The following CAMK2G variants were observed in gnomAD, a reference collection of about 807,000 sequenced individuals.
CAMK2G encodes the protein calcium/calmodulin-dependent protein kinase type II subunit gamma.
A neutral mutation model predicts 88.7 loss-of-function variants in CAMK2G; 23 were observed. The ratio of observed to expected loss-of-function variants is 0.26; its 90% CI spans 0.19 to 0.37. CAMK2G has a LOEUF of 0.37. Among genes scored for constraint, CAMK2G ranks in the 10% least tolerant of loss-of-function variants. The pLI is 1.00. For missense variants in CAMK2G, 476 were observed against 780.8 expected, an observed-to-expected ratio of 0.61 and a Z score of 4.65; for synonymous variants, 263 against 294.8, an observed-to-expected ratio of 0.89 and a Z score of 1.11.
intron 10 of CAMK2G, 141 bp downstream of exon 10, chr10:73,847,084 C>T (rs1429846078): frequency 2.5e-6 from 2 of 815,782 alleles, no homozygotes; most frequent in African/African-American, 3.4e-5. Context: ...GACCCTGGCC[C>T]TCAACAGTCC....
chr10:73,872,844 G>A (rs2095882211), intron 2 of CAMK2G, 145 bp downstream of exon 2: 2 of 705,934 alleles, frequency 2.8e-6, no homozygotes, highest in Non-Finnish European at 5.1e-6. Flanking sequence ...TCTGGCTTCA[G>A]CCTGACACAA....
chr10:73,825,624 C>G (rs111809196), intron 15 of CAMK2G, among the ~76,000 whole-genome samples: 74 of 152,292 alleles, frequency 4.9e-4, no homozygotes, highest in African/African-American at 1.6e-3. Flanking sequence ...TGCCAGGTGC[C>G]AGGTCATTGC....
rs572871339 is a variant in CAMK2G at position 73,817,045 on chromosome 10, G to A, written c.1512C>T (p.Phe504=). 78 of 1,614,040 alleles carry A rather than the reference G, an allele frequency of 4.8e-5. No homozygotes were observed. Among genetic ancestry groups the A allele is most frequent in the Non-Finnish European group, 6.5e-5 (77 of 1,179,988 alleles). The part of the protein sequence containing the change: ...ALGNLVEGMD[F]HKFYFENLLS... ...CACGATTCTCAAAGTAAAACTTATG[G>A]AAATCCATCCCCTCCACGAGGTTAC... Residue 504 remains phenylalanine, a synonymous_variant, in exon 21 of 23, where the codon TTC becomes TTT. Transcript: ENST00000423381.
At position 73,819,654 on chromosome 10, in the gene CAMK2G, CCAGGGCAGGGCAGGG is replaced by C; in HGVS notation, c.1250-24_1250-10del. The C allele has an allele frequency of 6.6e-7, 1 of 1,521,568 alleles. No individual in the cohort carries two copies. Among genetic ancestry groups the C allele is most frequent in the Non-Finnish European group, 8.8e-7 (1 of 1,131,818 alleles). 94.3% of individuals were successfully genotyped at this position (1,521,568 alleles called of 1,614,324 possible). A position where few individuals can be genotyped will look rare whatever the true frequency, so the allele number is the denominator to read the frequency against. ...AGTGCGGAGCGGGGCAGCTAGCCAG[CCAGGGCAGGGCAGGG>C]CAGGGCAAGGCAGAGCAGCCAAAAC... On this transcript the variant is annotated splice_polypyrimidine_tract_variant and intron_variant, in intron 18 of 22. Coordinates refer to ENST00000423381, the MANE Select transcript of CAMK2G (RefSeq NM_001367534.1).
chr10:73,816,970 A>G, intron 21 of CAMK2G, 53 bp downstream of exon 21: 1 of 1,613,910 alleles, frequency 6.2e-7, no homozygotes, highest in South Asian at 1.1e-5. Context: ...GGAGACAGAG[A>G]CAAAGGGGTA....
At chr10:73,827,374 G>C (rs1286637894) in intron 15 of CAMK2G, among the ~76,000 whole-genome samples, 2 of 152,200 alleles carry the variant, frequency 1.3e-5, no homozygotes, top group East Asian at 3.8e-4. Context: ...TTTTAGTAGA[G>C]ACAGGGTTTC....
intron 14 of CAMK2G, among the ~76,000 whole-genome samples, chr10:73,834,494 G>A (rs1408159280): frequency 2.6e-5 from 4 of 152,154 alleles, no homozygotes; most frequent in Non-Finnish European, 5.9e-5. Flanking sequence ...TGATGTGTCT[G>A]CCCAGCCCTC....
In CAMK2G at chr10:73,873,776, G is replaced by A. The variant is rs1406337820; in HGVS notation, c.65+621C>T. Among the ~76,000 whole-genome samples the A allele has an allele frequency of 4.4e-5, 6 of 136,308 alleles. No homozygotes were observed. In the East Asian group the frequency reaches 9.2e-4, roughly 21 times the overall value. 89.4% of individuals were successfully genotyped at this position (136,308 alleles called of 152,430 possible). On this transcript the variant is annotated intron_variant, in intron 1 of 22. Transcript: ENST00000423381. ...AGTGGCCGGGCTCGGCGCCGCGGGT[G>A]GGGGTGGGGGGCCGGGGCTGCTGCA...
At chr10:73,847,929 C>A (rs2094364867) in intron 9 of CAMK2G, 59 bp downstream of exon 9, 2 of 878,730 alleles carry the variant, frequency 2.3e-6, no homozygotes, top group Non-Finnish European at 3.4e-6. Context: ...TTGGACAGAG[C>A]CCGAGGAGCA....
intron 18 of CAMK2G, among the ~76,000 whole-genome samples, chr10:73,820,417 A>G (rs1354201925): frequency 6.8e-6 from 1 of 147,880 alleles, no homozygotes; most frequent in Non-Finnish European, 1.5e-5. Flanking sequence ...TTAGGACTAG[A>G]GTGACCAACT....
At position 73,839,065 on chromosome 10, in the gene CAMK2G, G is replaced by A. The variant is rs2093523747; in HGVS notation, c.1009+474C>T. Among the ~76,000 whole-genome samples, 1 of 152,222 alleles carries A rather than the reference G, an allele frequency of 6.6e-6. No homozygotes were observed. Among genetic ancestry groups the A allele is most frequent in the Non-Finnish European group, 1.5e-5 (1 of 68,034 alleles). ...GGGCTAGGATGTGAACCCAGAAACA[G>A]CTGGCTCTGAGGCTTCTGCACTCTG... On this transcript the variant is annotated intron_variant, in intron 13 of 22. Coordinates refer to ENST00000423381, the MANE Select transcript of CAMK2G (RefSeq NM_001367534.1). This position sits in a 1 kb window ranked among gnomAD's most constrained non-coding sequence, Gnocchi z 4.2.
Position 73,824,028 on chromosome 10 carries a change from G to A in CAMK2G, c.1200+12C>T. Reference sequence around the variant, plus strand: ...ACCTGGAAAGCAGGAGGCAGGCTCAGGAGCCACTCACCTTGATCCCATCTG... The same window carrying A: ...ACCTGGAAAGCAGGAGGCAGGCTCAAGAGCCACTCACCTTGATCCCATCTG... On this transcript the variant is annotated intron_variant, in intron 17 of 22. Coordinates refer to ENST00000423381, the MANE Select transcript of CAMK2G (RefSeq NM_001367534.1). 6.2e-7 allele frequency: 1 copy of A among 1,609,782 alleles called. No individual in the cohort carries two copies. Among genetic ancestry groups the A allele is most frequent in the Non-Finnish European group, 8.5e-7 (1 of 1,176,420 alleles).
chr10:73,824,621 G>A (rs112682247), intron 16 of CAMK2G, among the ~76,000 whole-genome samples: 1,724 of 152,310 alleles, frequency 0.011, 29 homozygotes, highest in African/African-American at 0.039. Context: ...ACGCCGCCAC[G>A]TCATGTGGTA....
intron 22 of CAMK2G, 36 bp downstream of exon 22, chr10:73,814,967 C>G: frequency 7.0e-7 from 1 of 1,429,406 alleles, no homozygotes; most frequent in Non-Finnish European, 9.7e-7. Context: ...CTATCCCAGG[C>G]CCTTCCAGCC....
At chr10:73,825,516 G>A (rs897637524) in intron 15 of CAMK2G, among the ~76,000 whole-genome samples, 169 bp from the exon 16 acceptor site, 2 of 152,180 alleles carry the variant, frequency 1.3e-5, no homozygotes, top group Non-Finnish European at 2.9e-5. Flanking sequence ...ATCAGAGGAA[G>A]TATTTGTGGG....
At chr10:73,816,117 G>A in intron 21 of CAMK2G, 1 of 985,516 alleles carries the variant, frequency 1.0e-6, no homozygotes, top group Non-Finnish European at 1.2e-6. Context: ...AGTGGGAAGA[G>A]ATAAAAATAA....
intron 14 of CAMK2G, among the ~76,000 whole-genome samples, chr10:73,829,700 GGTGTGTGTGTGTGTGTGTGT>G (rs60725888): frequency 6.6e-4 from 91 of 138,442 alleles, no homozygotes; most frequent in Middle Eastern, 7.0e-3. Flanking sequence ...TAAGTAGTGG[GGTGTGTGTGTGTGTGTGTGT>G]GTGTGTGTGT....
In CAMK2G at chr10:73,852,275, T is replaced by C; in HGVS notation, c.320A>G (p.Tyr107Cys). ...ELFEDIVARE[Y>C]YSEADASHCI... ...CTACCTGGCATCTGCTTCACTGTAG[T>C]ACTCTCTGGCCACAATGTCTTCAAA... is the stretch of plus-strand genomic sequence containing the variant. The change falls in exon 5 of 23, where the codon TAC becomes TGC. Residue 107 changes from tyrosine to cysteine, a missense_variant. This residue lies in a region of CAMK2G where 164 missense variants were observed against 385.6 expected (regional missense o/e 0.43). Coordinates refer to ENST00000423381, the MANE Select transcript of CAMK2G (RefSeq NM_001367534.1). 1.2e-6 allele frequency: 2 copies of C among 1,614,004 alleles called. No homozygotes were observed. The highest frequency in any genetic ancestry group is 1.7e-6 in the Non-Finnish European group (2 of 1,179,896).
chr10:73,863,822 C>A (rs1211951434), intron 2 of CAMK2G, among the ~76,000 whole-genome samples: 1 of 152,188 alleles, frequency 6.6e-6, no homozygotes, highest in Non-Finnish European at 1.5e-5. Context: ...TCCTTGTTAG[C>A]CTCTTAGTTC....
Sources: gnomAD v4.1 joint callset for allele counts (sites outside exome capture counted in the v4.1 genomes callset) on GRCh38, gnomAD v4.1.1 for gene constraint, gnomAD v4.1.1 regional missense constraint, Gnocchi (gnomAD v3.1) non-coding constraint, MANE v1.5 for transcripts, NCBI Gene and HGNC (gene_info 2026-07-23, HGNC 2026-07-21) for gene names.